The following SHISA9 variants were observed in gnomAD, a reference collection of about 807,000 sequenced individuals.
SHISA9 encodes the protein protein shisa-9.
SHISA9 carries 13 observed loss-of-function variants against 38.0 expected under a neutral mutation model. The observed-to-expected ratio is 0.34, with a 90% CI of 0.22 to 0.54. SHISA9 has a LOEUF of 0.54. SHISA9 is among the 20% of genes least tolerant of loss of function. The probability of loss-of-function intolerance (pLI) is 0.91; values close to 1 mark genes in which losing one functional copy is unlikely to be tolerated. For synonymous variants in SHISA9, 275 were observed against 242.0 expected, an observed-to-expected ratio of 1.14 and a Z score of -1.27; for missense variants, 538 against 575.8, an observed-to-expected ratio of 0.93 and a Z score of 0.67.
At chr16:13,289,376 G>A in the SHISA9 span, among the ~76,000 whole-genome samples, 2 of 150,872 alleles carry the variant, frequency 1.3e-5, no homozygotes, top group East Asian at 2.0e-4. Flanking sequence ...GGGGGCGGGA[G>A]GGTTGTGGCA....
chr16:13,226,365 T>A (rs1032159184), intron 4 of SHISA9, among the ~76,000 whole-genome samples: 1 of 152,194 alleles, frequency 6.6e-6, no homozygotes. Context: ...ACACTGTGCT[T>A]CTCTAAGAGA....
chr16:12,901,644 G>C lies in SHISA9; in HGVS notation c.-421G>C, dbSNP rs2071014727. 1 of 150,316 alleles carries C rather than the reference G, an allele frequency of 6.7e-6. No individual in the cohort carries two copies. Among genetic ancestry groups the C allele is most frequent in the African/African-American group, 2.4e-5 (1 of 40,898 alleles). The allele number at this position is 150,316 out of a possible 1,614,324, so 9.3% of individuals were successfully genotyped here. ...TCTCTTCAGCGCACTTGGCGAGCTG[G>C]TGAGGTGAGAGGGATACTGCGAGAG... is the stretch of plus-strand genomic sequence containing the variant. On this transcript the variant is annotated 5_prime_UTR_variant, in exon 1 of 5. Coordinates refer to ENST00000558583, the MANE Select transcript of SHISA9 (RefSeq NM_001145204.3).
chr16:13,044,832 A>G (rs76324778), intron 2 of SHISA9, among the ~76,000 whole-genome samples: 4,045 of 152,306 alleles, frequency 0.027, 111 homozygotes, highest in East Asian at 0.12. Flanking sequence ...GCCCTTTTAT[A>G]TAGTCTTCTC....
intron 2 of SHISA9, among the ~76,000 whole-genome samples, chr16:12,948,474 C>T (rs2071714354): frequency 6.6e-6 from 1 of 152,162 alleles, no homozygotes; most frequent in Non-Finnish European, 1.5e-5. Context: ...GTTTGAGCTG[C>T]TATAACAAAA....
At chr16:13,074,477 C>T (rs2073557454) in intron 2 of SHISA9, among the ~76,000 whole-genome samples, 1 of 152,102 alleles carries the variant, frequency 6.6e-6, no homozygotes, top group African/African-American at 2.4e-5. Flanking sequence ...TTTCTATGCA[C>T]ACTAAAAATT....
At chr16:13,019,936 T>G (rs1470206299) in intron 2 of SHISA9, among the ~76,000 whole-genome samples, 4 of 85,720 alleles carry the variant, frequency 4.7e-5, no homozygotes, top group Non-Finnish European at 1.1e-4. Flanking sequence ...TCTTTCTTTC[T>G]TTCTTTCTTT....
chr16:13,422,864 A>G, the SHISA9 span, among the ~76,000 whole-genome samples: 1 of 152,254 alleles, frequency 6.6e-6, no homozygotes, highest in South Asian at 2.1e-4. Context: ...CCATTTCTTC[A>G]TCTTTCTGAT....
chr16:13,123,435 T>C (rs1289517789), intron 2 of SHISA9, among the ~76,000 whole-genome samples: 1 of 152,236 alleles, frequency 6.6e-6, no homozygotes, highest in Non-Finnish European at 1.5e-5. Context: ...ATGGTGCCTG[T>C]TAAGGATATG....
the SHISA9 span, among the ~76,000 whole-genome samples, chr16:13,505,803 T>C: frequency 1.3e-5 from 2 of 152,232 alleles, no homozygotes; most frequent in Non-Finnish European, 2.9e-5. Flanking sequence ...GAACAAATCA[T>C]GACCTCCTGG....
chr16:13,488,080 C>T, the SHISA9 span, among the ~76,000 whole-genome samples: 505 of 152,240 alleles, frequency 3.3e-3, 3 homozygotes, highest in Non-Finnish European at 5.2e-3. Context: ...TCTGATGTTT[C>T]AGGAAGATAA....
At chr16:13,561,038 A>G in the SHISA9 span, among the ~76,000 whole-genome samples, 40 of 151,956 alleles carry the variant, frequency 2.6e-4, no homozygotes, top group East Asian at 7.4e-3. Flanking sequence ...TAATTTTTGT[A>G]TTTTTGGTAG....
chr16:13,104,929 A>G (rs1596650817), intron 2 of SHISA9, among the ~76,000 whole-genome samples: 3 of 152,104 alleles, frequency 2.0e-5, no homozygotes, highest in African/African-American at 4.8e-5. Context: ...AGCTTCCTCT[A>G]TTGCTTACTA....
intron 2 of SHISA9, among the ~76,000 whole-genome samples, chr16:12,944,466 A>G (rs965148353): frequency 3.9e-5 from 6 of 152,186 alleles, no homozygotes; most frequent in Non-Finnish European, 8.8e-5. Context: ...TGCTGAGCCC[A>G]AAGCCATGGA....
At chr16:13,222,006 G>A (rs1031072359) in intron 4 of SHISA9, among the ~76,000 whole-genome samples, 54 of 152,158 alleles carry the variant, frequency 3.5e-4, no homozygotes, top group African/African-American at 1.3e-3. Flanking sequence ...TGGCTGGGGA[G>A]GCCTCACAAT....
At chr16:12,987,172 T>C (rs1173689765) in intron 2 of SHISA9, among the ~76,000 whole-genome samples, 7 of 152,190 alleles carry the variant, frequency 4.6e-5, no homozygotes, top group African/African-American at 1.7e-4. Context: ...AGCTGTTGTC[T>C]TTCATCCTTT....
Position 13,237,827 on chromosome 16 carries a change from T to G in SHISA9, c.*2418T>G, listed in dbSNP as rs766814919. ...CTTCCCAGAGTCAAGTAAATACCACTGGGCATGGTCAGAGTTTCCTTGACG... is the reference window on the plus strand; with the variant it reads ...CTTCCCAGAGTCAAGTAAATACCACGGGGCATGGTCAGAGTTTCCTTGACG... On this transcript the variant is annotated 3_prime_UTR_variant, in exon 5 of 5. Transcript: ENST00000558583. 6.6e-6 allele frequency: 1 copy of G among 152,122 alleles called. No individual in the cohort carries two copies. The highest frequency in any genetic ancestry group is 2.4e-5 in the African/African-American group (1 of 41,420). The allele number at this position is 152,122 out of a possible 1,614,324, so 9.4% of individuals were successfully genotyped here.
the SHISA9 span, among the ~76,000 whole-genome samples, chr16:13,444,830 C>G: frequency 3.3e-5 from 5 of 151,080 alleles, no homozygotes; most frequent in Non-Finnish European, 7.4e-5. Context: ...CCTTCCCTTC[C>G]CTCCTCTTTT....
At chr16:13,256,488 C>A in the SHISA9 span, among the ~76,000 whole-genome samples, 1 of 152,180 alleles carries the variant, frequency 6.6e-6, no homozygotes, top group African/African-American at 2.4e-5. Flanking sequence ...CCGTGTTGGT[C>A]AGGCTGGTCT....
intron 2 of SHISA9, among the ~76,000 whole-genome samples, chr16:13,013,415 A>C (rs896497084): frequency 2.6e-5 from 4 of 152,118 alleles, no homozygotes; most frequent in Non-Finnish European, 4.4e-5. Flanking sequence ...CTGAACTTTC[A>C]TCTGCCTGGA....
Sources: allele counts gnomAD v4.1 joint callset (sites outside exome capture counted in the v4.1 genomes callset), GRCh38; gene constraint gnomAD v4.1.1; transcripts MANE v1.5; gene names NCBI Gene and HGNC (gene_info 2026-07-23, HGNC 2026-07-21).